CDH23: variants seen among roughly 807,000 people sequenced by gnomAD.
The protein encoded by CDH23 is cadherin-23.
CDH23 carries 189 observed loss-of-function variants against 317.1 expected under a neutral mutation model. The ratio of observed to expected loss-of-function variants is 0.60; its 90% CI spans 0.53 to 0.67. The LOEUF is 0.67. Among genes scored for constraint, CDH23 ranks in the 30% least tolerant of loss-of-function variants. The pLI is 0.00. For missense variants in CDH23, 4,401 were observed against 4,592.4 expected, an observed-to-expected ratio of 0.96 and a Z score of 1.20; for synonymous variants, 1,839 against 1,876.8, an observed-to-expected ratio of 0.98 and a Z score of 0.52.
chr10:71,585,152 G>C (rs564867844), intron 9 of CDH23, among the ~76,000 whole-genome samples: 1 of 152,122 alleles, frequency 6.6e-6, no homozygotes, highest in African/African-American at 2.4e-5. Flanking sequence ...TGACGTACAG[G>C]AACCGAGTCA....
chr10:71,619,605 G>C (rs1223325439), intron 11 of CDH23, among the ~76,000 whole-genome samples: 1 of 152,238 alleles, frequency 6.6e-6, no homozygotes, highest in East Asian at 1.9e-4. Flanking sequence ...TGAGGGGTCA[G>C]CTGTGGGGCT....
intron 38 of CDH23, among the ~76,000 whole-genome samples, chr10:71,742,343 G>C (rs1839760331): frequency 6.6e-6 from 1 of 152,124 alleles, no homozygotes; most frequent in African/African-American, 2.4e-5. Flanking sequence ...TGCCTCTCTG[G>C]CCCTCTTCCC....
At chr10:71,797,737 C>G (rs189325681) in intron 49 of CDH23, among the ~76,000 whole-genome samples, 1 of 152,170 alleles carries the variant, frequency 6.6e-6, no homozygotes, top group Non-Finnish European at 1.5e-5. Context: ...TTCTGCCAAT[C>G]GGGCCCAGGC....
intron 6 of CDH23, 61 bp downstream of exon 6, chr10:71,511,273 T>G: frequency 2.8e-6 from 4 of 1,418,760 alleles, no homozygotes; most frequent in Non-Finnish European, 4.0e-6. Context: ...CAGACCACCA[T>G]GGTGTAGGTG....
intron 1 of CDH23, among the ~76,000 whole-genome samples, chr10:71,412,945 A>G (rs1194782110): frequency 1.3e-5 from 2 of 152,316 alleles, no homozygotes; most frequent in East Asian, 3.9e-4. Flanking sequence ...TTTTTGCTCC[A>G]TAGATAGTGT....
At chr10:71,627,384 T>C (rs1861788518) in intron 11 of CDH23, among the ~76,000 whole-genome samples, 1 of 152,108 alleles carries the variant, frequency 6.6e-6, no homozygotes, top group African/African-American at 2.4e-5. Flanking sequence ...ATGATGATGA[T>C]GATGATGATG....
chr10:71,778,196 T>G lies in CDH23; in HGVS notation c.5075T>G (p.Ile1692Ser). 6.2e-7 allele frequency: 1 copy of G among 1,613,834 alleles called. No homozygotes were observed. The highest frequency in any genetic ancestry group is 8.5e-7 in the Non-Finnish European group (1 of 1,179,828). ...CTTCCCTGTGTCCCCCAGGGTGTCA[T>G]CACTGCTGCCAAAGAGCTGGACTAC... is the stretch of plus-strand genomic sequence containing the variant. ...TFRIDRHMGV[I>S]TAAKELDYEI... Residue 1692 changes from isoleucine (I) to serine (S), a missense_variant, in exon 40 of 70, where the codon ATC becomes AGC. Around this residue, in one of 3 missense-constraint regions of CDH23, gnomAD observed 3,068 missense variants for 3,203.3 expected, o/e 0.96. Coordinates refer to ENST00000224721, the MANE Select transcript of CDH23 (RefSeq NM_022124.6).
chr10:71,577,988 T>C lies in CDH23; in HGVS notation c.828T>C (p.Val276=), dbSNP rs2132400772. The change falls in exon 9 of 70, where the codon GTT becomes GTC. Residue 276 remains valine, a synonymous_variant. Transcript: ENST00000224721. ...CCCGGGGCATTGGCTACACCATCGTTTCAGGTAAGACAGAAGGCTGCCCCT... is the reference window on the plus strand; with the variant it reads ...CCCGGGGCATTGGCTACACCATCGTCTCAGGTAAGACAGAAGGCTGCCCCT... ...GRPRGIGYTI[V]SGNTNSIFAL... is the part of the protein sequence containing the mutation. The C allele has an allele frequency of 1.3e-6, 2 of 1,597,428 alleles. No individual in the cohort carries two copies. Among genetic ancestry groups the C allele is most frequent in the Non-Finnish European group, 1.7e-6 (2 of 1,172,186 alleles).
chr10:71,731,260 G>A (rs1231897944), intron 31 of CDH23, among the ~76,000 whole-genome samples: 1 of 152,250 alleles, frequency 6.6e-6, no homozygotes, highest in East Asian at 1.9e-4. Flanking sequence ...GTCCCCCAGA[G>A]AGGCTCCCTG....
intron 28 of CDH23, among the ~76,000 whole-genome samples, chr10:71,718,298 A>T (rs1181534060): frequency 1.3e-5 from 2 of 152,132 alleles, no homozygotes; most frequent in Admixed American, 1.3e-4. Context: ...CAGCCGCAGG[A>T]CCTCACTCCT....
At chr10:71,641,066 G>A (rs868328953) in intron 11 of CDH23, among the ~76,000 whole-genome samples, 1 of 152,156 alleles carries the variant, frequency 6.6e-6, no homozygotes, top group Admixed American at 6.5e-5. Context: ...AAGCTCCCCA[G>A]GTAATTTTGA....
At chr10:71,669,885 C>T (rs1045165586) in intron 14 of CDH23, among the ~76,000 whole-genome samples, 1 of 152,126 alleles carries the variant, frequency 6.6e-6, no homozygotes. Flanking sequence ...CCTGTAATCC[C>T]AGCTACTCGG....
intron 38 of CDH23, chr10:71,762,111 T>C (rs929909693): frequency 7.0e-7 from 1 of 1,423,754 alleles, no homozygotes. Flanking sequence ...CCTTAGCCTC[T>C]GCTACTTCCC....
intron 9 of CDH23, among the ~76,000 whole-genome samples, chr10:71,588,480 A>G (rs1319781509): frequency 1.3e-5 from 2 of 152,178 alleles, no homozygotes; most frequent in African/African-American, 2.4e-5. Context: ...TGCCTAACAC[A>G]TAGTAGGCAC....
At chr10:71,689,032 T>G (rs376856918) in intron 19 of CDH23, among the ~76,000 whole-genome samples, 1 of 11,258 alleles carries the variant, frequency 8.9e-5, no homozygotes, top group Non-Finnish European at 2.0e-4. Context: ...GGTGGTGGAG[T>G]CAGGGGTGGT....
At chr10:71,440,851 A>G (rs1263945212) in intron 2 of CDH23, among the ~76,000 whole-genome samples, 2 of 152,124 alleles carry the variant, frequency 1.3e-5, no homozygotes, top group Non-Finnish European at 2.9e-5. Flanking sequence ...GACACACGCA[A>G]ACACATTCCT....
chr10:71,420,423 T>TAATGGTGATGGG (rs1848708718), intron 1 of CDH23, among the ~76,000 whole-genome samples: 1 of 139,978 alleles, frequency 7.1e-6, no homozygotes, highest in Non-Finnish European at 1.6e-5. Flanking sequence ...ATGGTGATGG[T>TAATGGTGATGGG]GATGATGATG....
At chr10:71,452,400 C>T (rs149471187) in intron 3 of CDH23, among the ~76,000 whole-genome samples, 3 of 152,290 alleles carry the variant, frequency 2.0e-5, no homozygotes, top group Non-Finnish European at 2.9e-5. Context: ...TGTATCTCAG[C>T]GAGTCGCCCC....
At chr10:71,502,692 C>G (rs1853404986) in intron 3 of CDH23, among the ~76,000 whole-genome samples, 1 of 152,158 alleles carries the variant, frequency 6.6e-6, no homozygotes, top group Non-Finnish European at 1.5e-5. Flanking sequence ...TTGGGAAGCA[C>G]TAGACATCAT....
Sources: gnomAD v4.1 joint callset for allele counts (sites outside exome capture counted in the v4.1 genomes callset) on GRCh38, gnomAD v4.1.1 for gene constraint, gnomAD v4.1.1 regional missense constraint, MANE v1.5 for transcripts, NCBI Gene and HGNC (gene_info 2026-07-23, HGNC 2026-07-21) for gene names.